Variants in BBOX1 observed in about 807,000 individuals in gnomAD.
BBOX1 encodes the protein gamma-butyrobetaine hydroxylase 1, also known as gamma-butyrobetaine dioxygenase.
BBOX1 carries 35 observed loss-of-function variants against 41.6 expected under a neutral mutation model. That is an observed-to-expected ratio of 0.84 (90% confidence interval 0.64 to 1.11). The LOEUF is 1.11. Ranked by LOEUF, BBOX1 falls within the 50% of genes most tolerant of loss-of-function variation. The pLI is 0.00. For synonymous variants in BBOX1, 163 were observed against 154.7 expected (o/e 1.05, Z -0.40); for missense variants, 458 against 460.6 (o/e 0.99, Z 0.05).
rs560560720 is a variant in BBOX1, at chr11:27,057,148, T to C, written c.220-53T>C. 113 of 1,213,976 alleles carry C rather than the reference T, an allele frequency of 9.3e-5. No individual in the cohort carries two copies. The African/African-American group carries it at 1.7e-3, about 18-fold the overall frequency. The allele number at this position is 1,213,976 out of a possible 1,614,324, so 75.2% of individuals were successfully genotyped here. A position where few individuals can be genotyped will look rare whatever the true frequency, so the allele number is the denominator to read the frequency against. Reference sequence around the variant, plus strand: ...ACAGCATTCAAAAACAGAGCAATAGTGGAGAACGGAAATAAAATCCACATA... The same window carrying C: ...ACAGCATTCAAAAACAGAGCAATAGCGGAGAACGGAAATAAAATCCACATA... On this transcript the variant is annotated intron_variant, in intron 3 of 8. Coordinates refer to ENST00000263182, the MANE Select transcript of BBOX1 (RefSeq NM_003986.3).
intron 5 of BBOX1, among the ~76,000 whole-genome samples, chr11:27,108,674 T>G (rs1020597012): frequency 6.6e-6 from 1 of 152,090 alleles, no homozygotes; most frequent in Non-Finnish European, 1.5e-5. Flanking sequence ...TCACTCAGCC[T>G]GTTTCCACAT....
chr11:27,123,021 T>C (rs1038245913), intron 7 of BBOX1, among the ~76,000 whole-genome samples: 1 of 152,186 alleles, frequency 6.6e-6, no homozygotes, highest in African/African-American at 2.4e-5. Flanking sequence ...TTTTTCATTT[T>C]AGGTTGGTCT....
chr11:27,087,780 C>T (rs75355486), intron 4 of BBOX1, among the ~76,000 whole-genome samples: 2 of 152,158 alleles, frequency 1.3e-5, no homozygotes, highest in East Asian at 3.9e-4. Flanking sequence ...TTCTAATGGG[C>T]TATGGCCCTT....
At chr11:27,085,899 T>C (rs1282719346) in intron 4 of BBOX1, among the ~76,000 whole-genome samples, 1 of 152,148 alleles carries the variant, frequency 6.6e-6, no homozygotes, top group Non-Finnish European at 1.5e-5. Flanking sequence ...TTACTGCTGA[T>C]GTGGAGAAAG....
intron 4 of BBOX1, among the ~76,000 whole-genome samples, chr11:27,081,855 C>T (rs7126076): frequency 0.9 from 137,312 of 152,274 alleles, 62,076 homozygotes; most frequent in East Asian, 0.94. Flanking sequence ...ACATGTCTTC[C>T]TTTGAGAAGT....
At chr11:27,098,378 G>A (rs990468330) in intron 5 of BBOX1, among the ~76,000 whole-genome samples, 2 of 151,892 alleles carry the variant, frequency 1.3e-5, no homozygotes, top group African/African-American at 4.8e-5. Flanking sequence ...TCAAATGAAC[G>A]AGTTTTGCAC....
At chr11:27,111,099 G>C (rs1859044700) in intron 5 of BBOX1, among the ~76,000 whole-genome samples, 1 of 150,654 alleles carries the variant, frequency 6.6e-6, no homozygotes, top group Non-Finnish European at 1.5e-5. Context: ...TTTTAATTTA[G>C]GTAAAATTTA....
chr11:27,111,554 G>A (rs1859063781), intron 5 of BBOX1, among the ~76,000 whole-genome samples: 1 of 151,828 alleles, frequency 6.6e-6, no homozygotes, highest in Non-Finnish European at 1.5e-5. Flanking sequence ...ACTATATTCT[G>A]TTGTGTGTCA....
intron 7 of BBOX1, among the ~76,000 whole-genome samples, chr11:27,123,344 C>G (rs1358858701): frequency 6.6e-6 from 1 of 151,988 alleles, no homozygotes; most frequent in African/African-American, 2.4e-5. Context: ...GTTCATTTCA[C>G]TGATACATGA....
At chr11:27,115,293 C>G (rs1261981729) in intron 5 of BBOX1, among the ~76,000 whole-genome samples, 159 bp from the exon 6 acceptor site, 1 of 151,834 alleles carries the variant, frequency 6.6e-6, no homozygotes, top group Admixed American at 6.6e-5. Flanking sequence ...TGACTTTAGG[C>G]AGAGAAAGGT....
At chr11:27,123,886 C>T (rs1859552978) in intron 7 of BBOX1, among the ~76,000 whole-genome samples, 1 of 152,176 alleles carries the variant, frequency 6.6e-6, no homozygotes, top group Admixed American at 6.5e-5. Context: ...ACATGCAAAT[C>T]TATGTTTTAA....
At chr11:27,070,474 A>G (rs2133991115) in intron 4 of BBOX1, among the ~76,000 whole-genome samples, 1 of 152,208 alleles carries the variant, frequency 6.6e-6, no homozygotes, top group Non-Finnish European at 1.5e-5. Flanking sequence ...GGATTGTAAT[A>G]TCTTCTTGTT....
At chr11:27,067,008 C>T (rs1857308116) in intron 4 of BBOX1, among the ~76,000 whole-genome samples, 1 of 152,056 alleles carries the variant, frequency 6.6e-6, no homozygotes, top group African/African-American at 2.4e-5. Context: ...CTTACTTAAC[C>T]TTTCTATGCT....
At chr11:27,053,304 C>A (rs145745941) in intron 2 of BBOX1, among the ~76,000 whole-genome samples, 179 of 152,230 alleles carry the variant, frequency 1.2e-3, no homozygotes, top group African/African-American at 4.1e-3. Context: ...TGTATTCCAT[C>A]GTAATGAAAG....
At chr11:27,072,559 G>T (rs1857489624) in intron 4 of BBOX1, among the ~76,000 whole-genome samples, 1 of 152,108 alleles carries the variant, frequency 6.6e-6, no homozygotes, top group East Asian at 1.9e-4. Flanking sequence ...TCACAGAATT[G>T]GAAAAAACTA....
At chr11:27,110,512 TA>T (rs1590220266) in intron 5 of BBOX1, among the ~76,000 whole-genome samples, 2 of 152,036 alleles carry the variant, frequency 1.3e-5, no homozygotes, top group East Asian at 3.9e-4. Context: ...ACAAATACAC[TA>T]AACATACTCC....
intron 4 of BBOX1, among the ~76,000 whole-genome samples, chr11:27,069,631 G>T (rs1004460797): frequency 6.6e-6 from 1 of 152,024 alleles, no homozygotes; most frequent in African/African-American, 2.4e-5. Context: ...GTGAAAGCGG[G>T]CATCCTTAAC....
intron 5 of BBOX1, among the ~76,000 whole-genome samples, chr11:27,110,312 T>A (rs543014884): frequency 4.3e-4 from 65 of 152,100 alleles, no homozygotes; most frequent in African/African-American, 1.5e-3. Context: ...ACAATTCCAA[T>A]GAATAATTTA....
chr11:27,089,074 A>G (rs1338698938), intron 4 of BBOX1, among the ~76,000 whole-genome samples: 1 of 152,010 alleles, frequency 6.6e-6, no homozygotes, highest in African/African-American at 2.4e-5. Context: ...AAATGATAGC[A>G]CCTGGTAAGA....
Sources: gnomAD v4.1 joint callset for allele counts (sites outside exome capture counted in the v4.1 genomes callset) on GRCh38, gnomAD v4.1.1 for gene constraint, MANE v1.5 for transcripts, NCBI Gene and HGNC (gene_info 2026-07-23, HGNC 2026-07-21) for gene names.